Variants in PKP2 observed in about 807,000 individuals in gnomAD.
PKP2 encodes plakophilin 2.
Under a neutral mutation model 83.4 loss-of-function variants are expected in PKP2, and 73 were observed. That is an observed-to-expected ratio of 0.88 (90% CI 0.72 to 1.06). The LOEUF is 1.06. Ranked by LOEUF, PKP2 falls within the 50% of genes least tolerant of loss-of-function variation. The pLI is 0.00. For synonymous variants in PKP2, 409 were observed against 430.4 expected, an observed-to-expected ratio of 0.95 and a Z score of 0.62; for missense variants, 966 against 1,065.4, an observed-to-expected ratio of 0.91 and a Z score of 1.30.
chr12:32,792,523 G>A, intron 12 of PKP2, 31 bp from the exon 13 acceptor site: 1 of 1,597,484 alleles, frequency 6.3e-7, no homozygotes, highest in Non-Finnish European at 8.6e-7. Flanking sequence ...AACGTGAAAG[G>A]TAACAAAACT....
In PKP2 at chr12:32,856,574, C is replaced by T. The variant is rs142370789; in HGVS notation, c.1171-5601G>A. Reference sequence around the variant, plus strand: ...ACAATGAGAACACATGGACACAGGACGGGGAACATCACACACTGGGGCCTG... The same window carrying T: ...ACAATGAGAACACATGGACACAGGATGGGGAACATCACACACTGGGGCCTG... On this transcript the variant is annotated intron_variant, in intron 4 of 12. Transcript: ENST00000340811. Among the ~76,000 whole-genome samples the T allele has an allele frequency of 7.0e-3, 1,065 of 151,704 alleles. 14 individuals are homozygous for T. Among genetic ancestry groups the T allele is most frequent in the Admixed American group, 0.024 (361 of 15,238 alleles).
intron 9 of PKP2, among the ~76,000 whole-genome samples, chr12:32,815,750 T>C (rs941756019): frequency 2.0e-5 from 3 of 152,238 alleles, no homozygotes; most frequent in Non-Finnish European, 4.4e-5. Context: ...TGTTAATTTG[T>C]AAGAACAATC....
At chr12:32,874,986 C>T (rs1410941471) in intron 3 of PKP2, among the ~76,000 whole-genome samples, 1 of 152,064 alleles carries the variant, frequency 6.6e-6, no homozygotes, top group African/African-American at 2.4e-5. Flanking sequence ...TGGGCTCAAG[C>T]GATCCTCCAG....
intron 1 of PKP2, among the ~76,000 whole-genome samples, chr12:32,895,425 T>A (rs558868137): frequency 1.3e-5 from 2 of 152,326 alleles, no homozygotes; most frequent in South Asian, 4.1e-4. Context: ...GTTTTCCTAA[T>A]AGAAACTAGA....
At chr12:32,863,842 A>C (rs1028037907) in intron 4 of PKP2, among the ~76,000 whole-genome samples, 2 of 152,238 alleles carry the variant, frequency 1.3e-5, no homozygotes, top group Non-Finnish European at 2.9e-5. Context: ...AGTATTACCC[A>C]CAACTCAAAA....
At chr12:32,862,502 G>A (rs1956808695) in intron 4 of PKP2, among the ~76,000 whole-genome samples, 1 of 151,986 alleles carries the variant, frequency 6.6e-6, no homozygotes, top group Non-Finnish European at 1.5e-5. Flanking sequence ...CAAATTAGCC[G>A]GGCATGGTGG....
chr12:32,850,328 C>T (rs137903231), intron 5 of PKP2, among the ~76,000 whole-genome samples: 1,667 of 152,078 alleles, frequency 0.011, 11 homozygotes, highest in Middle Eastern at 0.082. Context: ...CCGAGGCGGG[C>T]GGATCACAAG....
chr12:32,838,726 G>GT (rs1304751657), intron 6 of PKP2, among the ~76,000 whole-genome samples: 1 of 152,140 alleles, frequency 6.6e-6, no homozygotes, highest in Non-Finnish European at 1.5e-5. Context: ...CATTAAAAAT[G>GT]TTTTTTAAAT....
chr12:32,824,689 G>A (rs567393138), intron 6 of PKP2, among the ~76,000 whole-genome samples: 3 of 152,258 alleles, frequency 2.0e-5, no homozygotes, highest in East Asian at 1.9e-4. Context: ...TCTAAAATGC[G>A]ATTATTTTAT....
At chr12:32,810,014 T>C (rs1480277415) in intron 9 of PKP2, among the ~76,000 whole-genome samples, 6 of 152,240 alleles carry the variant, frequency 3.9e-5, no homozygotes, top group Admixed American at 3.3e-4. Flanking sequence ...ATGGGCCCTC[T>C]TGGCCCCCAT....
Position 32,878,428 on chromosome 12 carries a change from G to T in PKP2, c.452C>A (p.Ser151Tyr). ...LRHPLRRLEI[S>Y]PDSSPERAHY... Reference sequence around the variant, plus strand: ...AGCCCTCTCCGGGCTGCTGTCAGGAGAAATCTCCAGTCTCCTCAGAGGATG... The same window carrying T: ...AGCCCTCTCCGGGCTGCTGTCAGGATAAATCTCCAGTCTCCTCAGAGGATG... The change falls in exon 3 of 13, where the codon TCT becomes TAT. Residue 151 changes from serine to tyrosine, a missense_variant. Physicochemically the swap from Ser to Tyr is moderately radical, Grantham distance 144. Transcript: ENST00000340811. 1 of 1,614,126 alleles carries T rather than the reference G, an allele frequency of 6.2e-7. No individual in the cohort carries two copies. The highest frequency in any genetic ancestry group is 8.5e-7 in the Non-Finnish European group (1 of 1,180,010).
At chr12:32,797,723 T>A (rs993929490) in intron 10 of PKP2, among the ~76,000 whole-genome samples, 1 of 151,262 alleles carries the variant, frequency 6.6e-6, no homozygotes, top group Non-Finnish European at 1.5e-5. Context: ...GCCGGGCTAA[T>A]TTTTTTGTAT....
intron 9 of PKP2, among the ~76,000 whole-genome samples, chr12:32,806,453 C>A (rs184299179): frequency 6.6e-6 from 1 of 151,998 alleles, no homozygotes; most frequent in Admixed American, 6.6e-5. Context: ...AAGGTGTATG[C>A]GTCCAGGAGT....
intron 4 of PKP2, among the ~76,000 whole-genome samples, chr12:32,866,520 C>T (rs1264854221): frequency 2.2e-5 from 3 of 139,324 alleles, no homozygotes; most frequent in Admixed American, 7.5e-5. Flanking sequence ...CACTGCACTC[C>T]AGCCTGGGCA....
Position 32,896,717 on chromosome 12 carries a change from GC to G in PKP2, c.14del (p.Gly5AlafsTer34), listed in dbSNP as rs397516996. On this transcript the variant is annotated frameshift_variant, in exon 1 of 13. Coordinates refer to ENST00000340811, the MANE Select transcript of PKP2 (RefSeq NM_001005242.3). LOFTEE classifies it high-confidence loss of function. ...GGATGTAGCCGTACTCAGCTGGGGCGCCGGGGGCTGCCATGGGGCCGGTGGG... is the reference window on the plus strand; with the variant it reads ...GGATGTAGCCGTACTCAGCTGGGGCGCGGGGGCTGCCATGGGGCCGGTGGG... MAAP[G>X]APAEYGYIRT... 2.0e-6 allele frequency: 3 copies of G among 1,469,146 alleles called. No individual in the cohort carries two copies. Among genetic ancestry groups the G allele is most frequent in the Non-Finnish European group, 2.7e-6 (3 of 1,112,702 alleles). 91.0% of individuals were successfully genotyped at this position (1,469,146 alleles called of 1,614,324 possible).
chr12:32,895,366 C>A (rs1185384008), intron 1 of PKP2, among the ~76,000 whole-genome samples: 1 of 152,156 alleles, frequency 6.6e-6, no homozygotes, highest in African/African-American at 2.4e-5. Flanking sequence ...GTACAGCCTC[C>A]CAGACTCTGC....
chr12:32,800,689 G>A (rs1441163031), intron 10 of PKP2, among the ~76,000 whole-genome samples: 2 of 152,168 alleles, frequency 1.3e-5, no homozygotes, highest in Admixed American at 6.5e-5. Flanking sequence ...GCAGTACTGC[G>A]CATGTGGTAA....
chr12:32,853,030 G>T (rs1188726830), intron 4 of PKP2, among the ~76,000 whole-genome samples: 1 of 152,148 alleles, frequency 6.6e-6, no homozygotes, highest in Non-Finnish European at 1.5e-5. Context: ...CTTGCAGTGA[G>T]CAGAAATGGC....
intron 4 of PKP2, among the ~76,000 whole-genome samples, chr12:32,866,452 G>A (rs1956849463): frequency 6.7e-6 from 1 of 149,016 alleles, no homozygotes; most frequent in Non-Finnish European, 1.5e-5. Context: ...TTGGGAGGCT[G>A]AGGTGGGAAG....
Sources: gnomAD v4.1 joint callset for allele counts (sites outside exome capture counted in the v4.1 genomes callset) on GRCh38, gnomAD v4.1.1 for gene constraint, MANE v1.5 for transcripts, NCBI Gene and HGNC (gene_info 2026-07-23, HGNC 2026-07-21) for gene names.